Variants in ANKFN1 observed in about 807,000 individuals in gnomAD.
The protein encoded by ANKFN1 is ankyrin repeat and fibronectin type-III domain-containing protein 1.
ANKFN1 carries 74 observed loss-of-function variants against 108.7 expected under a neutral mutation model. The observed-to-expected ratio is 0.68, with a 90% CI of 0.56 to 0.83. The LOEUF is 0.83. ANKFN1 is among the 40% of genes least tolerant of loss of function. The pLI, the probability that ANKFN1 is intolerant of heterozygous loss-of-function variation, is 0.00. For synonymous variants in ANKFN1, 547 were observed against 516.2 expected (o/e 1.06, Z -0.81); for missense variants, 1,505 against 1,382.3 (o/e 1.09, Z -1.41).
intron 2 of ANKFN1, among the ~76,000 whole-genome samples, chr17:56,225,240 C>T (rs866663417): frequency 2.0e-5 from 3 of 152,096 alleles, no homozygotes; most frequent in Non-Finnish European, 4.4e-5. Flanking sequence ...TTCTTATGTC[C>T]TGCTCTAGCG....
At chr17:56,058,306 T>G (rs928902038) in intron 4 of ANKFN1, among the ~76,000 whole-genome samples, 9 of 152,228 alleles carry the variant, frequency 5.9e-5, no homozygotes, top group African/African-American at 2.2e-4. Context: ...AAATCTGTTG[T>G]TTTTAGTGTC....
chr17:56,320,535 A>G (rs2045333799), intron 3 of ANKFN1, among the ~76,000 whole-genome samples: 1 of 152,186 alleles, frequency 6.6e-6, no homozygotes, highest in Non-Finnish European at 1.5e-5. Context: ...AGCCAGACCC[A>G]GGAGGCTCAC....
chr17:56,064,039 G>T (rs1905021657), intron 4 of ANKFN1, among the ~76,000 whole-genome samples: 1 of 152,066 alleles, frequency 6.6e-6, no homozygotes, highest in South Asian at 2.1e-4. Flanking sequence ...TTCACTTCAG[G>T]CCCTATTCAT....
chr17:56,106,616 G>C (rs1905757506), intron 4 of ANKFN1, among the ~76,000 whole-genome samples: 1 of 152,200 alleles, frequency 6.6e-6, no homozygotes, highest in South Asian at 2.1e-4. Context: ...TCTGATCCCA[G>C]AACTGTCATA....
Position 56,105,711 on chromosome 17 carries a change from C to CTGTCTGTGTGTGTGTG in ANKFN1, c.288+59389_288+59390insCTGTGTGTGTGTGTGT, listed in dbSNP as rs1555594332. 2.8e-4 allele frequency among the ~76,000 whole-genome samples: 41 copies of CTGTCTGTGTGTGTGTG among 144,658 alleles called. 1 individual carries two copies. Among genetic ancestry groups the CTGTCTGTGTGTGTGTG allele is most frequent in the East Asian group, 1.2e-3 (6 of 4,862 alleles). The allele number at this position is 144,658 out of a possible 152,430, so 94.9% of individuals were successfully genotyped here. On this transcript the variant is annotated intron_variant, in intron 4 of 12. Transcript: ENST00000635860. ...TTTGGAGTTTTGGGGGTTTTTTTGT[C>CTGTCTGTGTGTGTGTG]TGTGTGTGTGTGTGTGTGTGTGTGT...
At chr17:56,266,321 A>T (rs964962236) in intron 3 of ANKFN1, among the ~76,000 whole-genome samples, 1 of 152,152 alleles carries the variant, frequency 6.6e-6, no homozygotes, top group Non-Finnish European at 1.5e-5. Context: ...TTGTTGAATC[A>T]TCATGAGTCT....
chr17:56,134,190 T>C (rs1907458984), intron 4 of ANKFN1, among the ~76,000 whole-genome samples: 1 of 151,874 alleles, frequency 6.6e-6, no homozygotes, highest in Non-Finnish European at 1.5e-5. Flanking sequence ...GTGGGAGAGA[T>C]ATGTAGGGTG....
intron 4 of ANKFN1, among the ~76,000 whole-genome samples, chr17:56,091,589 A>G (rs1905421606): frequency 6.6e-6 from 1 of 151,422 alleles, no homozygotes; most frequent in South Asian, 2.1e-4. Flanking sequence ...CCACTTATCA[A>G]GAAATGTTTT....
chr17:56,067,502 T>C (rs1905074688), intron 4 of ANKFN1, among the ~76,000 whole-genome samples: 1 of 152,172 alleles, frequency 6.6e-6, no homozygotes, highest in East Asian at 1.9e-4. Flanking sequence ...GTTTGGCCTC[T>C]CTCCTTCCCC....
At chr17:56,428,142 G>A (rs1206627672) in intron 8 of ANKFN1, among the ~76,000 whole-genome samples, 2 of 152,000 alleles carry the variant, frequency 1.3e-5, no homozygotes, top group South Asian at 2.1e-4. Context: ...GCTGAGGCAT[G>A]AGAATTGCTT....
At chr17:56,106,246 T>C (rs1250589560) in intron 4 of ANKFN1, among the ~76,000 whole-genome samples, 1 of 152,166 alleles carries the variant, frequency 6.6e-6, no homozygotes, top group South Asian at 2.1e-4. Context: ...TGGGTTCCAA[T>C]AACCTCTGCC....
intron 8 of ANKFN1, among the ~76,000 whole-genome samples, chr17:56,422,941 G>A (rs2048456033): frequency 2.0e-5 from 3 of 152,132 alleles, no homozygotes. Flanking sequence ...TGCTGCCCTA[G>A]GAGGGTGAAA....
intron 6 of ANKFN1, among the ~76,000 whole-genome samples, chr17:56,369,432 A>C (rs1201654068): frequency 6.6e-6 from 1 of 152,242 alleles, no homozygotes; most frequent in Non-Finnish European, 1.5e-5. Context: ...TTGTAAAAAA[A>C]AAATGCCCCC....
intron 8 of ANKFN1, among the ~76,000 whole-genome samples, chr17:56,411,323 T>A (rs1681102548): frequency 6.6e-6 from 1 of 152,222 alleles, no homozygotes. Flanking sequence ...AATACTAATT[T>A]TTTTAAATTT....
chr17:56,209,002 C>T (rs991824784), intron 1 of ANKFN1, among the ~76,000 whole-genome samples: 4 of 152,080 alleles, frequency 2.6e-5, no homozygotes, highest in African/African-American at 9.7e-5. Flanking sequence ...CTAGGCCTCC[C>T]GAGTTAGCTG....
At chr17:56,231,050 G>A (rs928791430) in intron 3 of ANKFN1, among the ~76,000 whole-genome samples, 1 of 152,100 alleles carries the variant, frequency 6.6e-6, no homozygotes, top group Admixed American at 6.6e-5. Context: ...GGTGTGGCTA[G>A]GATTTTAGCT....
At chr17:56,454,083 C>A (rs1408804709) in intron 11 of ANKFN1, among the ~76,000 whole-genome samples, 2 of 152,112 alleles carry the variant, frequency 1.3e-5, no homozygotes, top group African/African-American at 4.8e-5. Context: ...TCTTTGCCTT[C>A]TTTTCCTCTC....
chr17:56,431,109 C>A (rs945351253), intron 8 of ANKFN1, among the ~76,000 whole-genome samples: 1 of 152,104 alleles, frequency 6.6e-6, no homozygotes, highest in African/African-American at 2.4e-5. Flanking sequence ...CATGATAGAA[C>A]CAAAACTAGC....
At chr17:56,349,098 GC>G (rs1378409430) in intron 4 of ANKFN1, among the ~76,000 whole-genome samples, 7 of 152,106 alleles carry the variant, frequency 4.6e-5, no homozygotes, top group Non-Finnish European at 8.8e-5. Context: ...GAAGCTGGAA[GC>G]CATTAGCCTC....
Sources: gnomAD v4.1 joint callset for allele counts (sites outside exome capture counted in the v4.1 genomes callset) on GRCh38, gnomAD v4.1.1 for gene constraint, MANE v1.5 for transcripts, NCBI Gene and HGNC (gene_info 2026-07-23, HGNC 2026-07-21) for gene names.